Variants in PPP2R2A observed in about 807,000 individuals in gnomAD.
PPP2R2A encodes the protein serine/threonine-protein phosphatase 2A 55 kDa regulatory subunit B alpha isoform.
PPP2R2A carries 9 observed loss-of-function variants against 53.2 expected under a neutral mutation model. That is an observed-to-expected ratio of 0.17 (90% CI 0.10 to 0.30). The LOEUF is 0.30. PPP2R2A is among the 10% of genes least tolerant of loss of function. The pLI is 1.00. For missense variants in PPP2R2A, 235 were observed against 534.6 expected (o/e 0.44, Z 5.53); for synonymous variants, 169 against 174.2 (o/e 0.97, Z 0.23).
chr8:26,293,421 C>A (rs1283437178), intron 1 of PPP2R2A: 2 of 782,296 alleles, frequency 2.6e-6, no homozygotes, highest in South Asian at 1.8e-5. Context: ...AGTTTGTGAA[C>A]AGATGTTTAA....
chr8:26,302,322 C>T (rs2117204357), intron 2 of PPP2R2A, among the ~76,000 whole-genome samples: 1 of 152,358 alleles, frequency 6.6e-6, no homozygotes, highest in South Asian at 2.1e-4. Flanking sequence ...GTGAGCTTGA[C>T]AGCCTCCCAA....
chr8:26,337,221 A>G (rs1184345294), intron 2 of PPP2R2A, among the ~76,000 whole-genome samples: 1 of 152,216 alleles, frequency 6.6e-6, no homozygotes, highest in African/African-American at 2.4e-5. Flanking sequence ...AAGATTTCAT[A>G]TTCAAATTAA....
At position 26,338,254 on chromosome 8, in the gene PPP2R2A, G is replaced by A. The variant is rs1803768836; in HGVS notation, c.83-636G>A. Among the ~76,000 whole-genome samples the A allele has an allele frequency of 1.3e-5, 2 of 152,162 alleles. No homozygotes were observed. The highest frequency in any genetic ancestry group is 2.1e-4 in the South Asian group (1 of 4,836). On this transcript the variant is annotated intron_variant, in intron 2 of 9. Transcript: ENST00000380737. This position sits in a 1 kb window ranked among gnomAD's most constrained non-coding sequence, Gnocchi z 4.5. ...GACAGTTTTCTTTGATCATGACTGT[G>A]AAGTCAGCACTGAGCTGGTAGAATC...
At chr8:26,295,186 A>T (rs1801490962) in intron 2 of PPP2R2A, among the ~76,000 whole-genome samples, 2 of 152,194 alleles carry the variant, frequency 1.3e-5, no homozygotes, top group South Asian at 4.1e-4. Context: ...TTCCCTTAGG[A>T]AAGTTCCCCT....
intron 2 of PPP2R2A, among the ~76,000 whole-genome samples, chr8:26,328,433 T>C (rs1423164512): frequency 6.6e-6 from 1 of 152,228 alleles, no homozygotes; most frequent in Non-Finnish European, 1.5e-5. Flanking sequence ...TTGCCTCTTT[T>C]TAAAAAAATC....
At chr8:26,297,137 A>C (rs1801579075) in intron 2 of PPP2R2A, among the ~76,000 whole-genome samples, 1 of 152,164 alleles carries the variant, frequency 6.6e-6, no homozygotes, top group Non-Finnish European at 1.5e-5. Flanking sequence ...TGTGTGAGAC[A>C]GAGTCTCACT....
At chr8:26,293,926 T>C in intron 2 of PPP2R2A, 186 bp downstream of exon 2, 2 of 589,162 alleles carry the variant, frequency 3.4e-6, no homozygotes, top group Non-Finnish European at 5.9e-6. Context: ...TATTTACGCC[T>C]TGTTTTTATT....
rs183012167 is a variant in PPP2R2A at position 26,315,974 on chromosome 8, G to A, written c.82+22234G>A. On this transcript the variant is annotated intron_variant, in intron 2 of 9. Coordinates refer to ENST00000380737, the MANE Select transcript of PPP2R2A (RefSeq NM_002717.4). ...AATTCACAGAATTTATATAAAAGTA[G>A]ATTTGTTTTCTTAAATCTAAATTCT... 3.9e-4 allele frequency among the ~76,000 whole-genome samples: 59 copies of A among 152,250 alleles called. 1 individual carries two copies. The highest frequency in any genetic ancestry group is 3.3e-3 in the Admixed American group (51 of 15,288).
At chr8:26,305,681 A>G (rs1229435704) in intron 2 of PPP2R2A, among the ~76,000 whole-genome samples, 1 of 152,146 alleles carries the variant, frequency 6.6e-6, no homozygotes, top group Non-Finnish European at 1.5e-5. Flanking sequence ...TTCCCATAGC[A>G]CTTGGCATTT....
intron 9 of PPP2R2A, among the ~76,000 whole-genome samples, chr8:26,369,679 A>C (rs1320023103): frequency 2.0e-5 from 3 of 152,216 alleles, no homozygotes; most frequent in Non-Finnish European, 4.4e-5. Flanking sequence ...GGCGTGAGCC[A>C]CTGCGCCCGG....
chr8:26,356,685 T>A (rs1019100330), intron 4 of PPP2R2A, among the ~76,000 whole-genome samples: 1 of 152,250 alleles, frequency 6.6e-6, no homozygotes, highest in Non-Finnish European at 1.5e-5. Context: ...TAGGGAAATG[T>A]GTTGTTAACA....
intron 2 of PPP2R2A, among the ~76,000 whole-genome samples, chr8:26,317,631 T>C (rs945419721): frequency 6.6e-6 from 1 of 152,224 alleles, no homozygotes; most frequent in African/African-American, 2.4e-5. Flanking sequence ...AAGCTAAAAA[T>C]TAGTAGCACT....
chr8:26,355,357 A>T (rs1804719703), intron 4 of PPP2R2A, among the ~76,000 whole-genome samples: 1 of 152,110 alleles, frequency 6.6e-6, no homozygotes. Context: ...TCCCTACCTC[A>T]GTCTCCTGAG....
chr8:26,342,579 G>T (rs1803997810), intron 3 of PPP2R2A, among the ~76,000 whole-genome samples: 1 of 152,144 alleles, frequency 6.6e-6, no homozygotes, highest in South Asian at 2.1e-4. Context: ...GGTAGTGTGG[G>T]TGTGTGGGTG....
At position 26,335,094 on chromosome 8, in the gene PPP2R2A, C is replaced by A. The variant is rs527868130; in HGVS notation, c.83-3796C>A. Among the ~76,000 whole-genome samples, 13 of 152,308 alleles carry A rather than the reference C, an allele frequency of 8.5e-5. No individual in the cohort carries two copies. The East Asian group carries it at 1.4e-3, about 16-fold the overall frequency. On this transcript the variant is annotated intron_variant, in intron 2 of 9. Transcript: ENST00000380737. ...GAGTGCTCTGCAGCACCAGGCAAGA[C>A]CATACCCCATTCTTGGCATGCCGGT...
At chr8:26,297,254 T>G (rs1801584181) in intron 2 of PPP2R2A, among the ~76,000 whole-genome samples, 1 of 152,064 alleles carries the variant, frequency 6.6e-6, no homozygotes, top group Admixed American at 6.5e-5. Flanking sequence ...GGACTACAGG[T>G]GCACCCCGCC....
chr8:26,313,608 G>A (rs909728907), intron 2 of PPP2R2A, among the ~76,000 whole-genome samples: 1 of 152,174 alleles, frequency 6.6e-6, no homozygotes, highest in African/African-American at 2.4e-5. Flanking sequence ...GTAAATCAAG[G>A]ATTTTTGAGA....
Position 26,363,866 on chromosome 8 carries a change from A to G in PPP2R2A, c.948A>G (p.Glu316=). 1 of 1,599,688 alleles carries G rather than the reference A, an allele frequency of 6.3e-7. No individual in the cohort carries two copies. The highest frequency in any genetic ancestry group is 8.5e-7 in the Non-Finnish European group (1 of 1,170,360). Residue 316 remains glutamate, a synonymous_variant, in exon 8 of 10, where the codon GAA becomes GAG. Transcript: ENST00000380737. ...LSVKIWDLNM[E]NRPVETYQVH... ...TCAAAATTTGGGACTTAAATATGGAAAACAGGCCTGTGGAAACATACCAGG... is the reference window on the plus strand; with the variant it reads ...TCAAAATTTGGGACTTAAATATGGAGAACAGGCCTGTGGAAACATACCAGG...
intron 3 of PPP2R2A, among the ~76,000 whole-genome samples, chr8:26,347,869 A>G (rs1332054671): frequency 1.3e-5 from 2 of 152,154 alleles, no homozygotes; most frequent in Admixed American, 1.3e-4. Flanking sequence ...GACTATCGTT[A>G]TCATTAGTTT....
Sources: allele counts gnomAD v4.1 joint callset (sites outside exome capture counted in the v4.1 genomes callset), GRCh38; gene constraint gnomAD v4.1.1; non-coding constraint Gnocchi (gnomAD v3.1); transcripts MANE v1.5; gene names NCBI Gene and HGNC (gene_info 2026-07-23, HGNC 2026-07-21).